Variants in SLC9A9 observed in about 807,000 individuals in gnomAD.
SLC9A9 encodes sodium/hydrogen exchanger 9.
In SLC9A9, 62 loss-of-function variants were observed where a neutral mutation model predicts 77.8. That is an observed-to-expected ratio of 0.80 (90% CI 0.65 to 0.98). The LOEUF (loss-of-function observed/expected upper bound fraction) is 0.98. Among genes scored for constraint, SLC9A9 ranks in the 50% least tolerant of loss-of-function variants. SLC9A9 has a pLI of 0.00. For synonymous variants in SLC9A9, 320 were observed against 283.5 expected, an observed-to-expected ratio of 1.13 and a Z score of -1.29; for missense variants, 775 against 774.9, an observed-to-expected ratio of 1.00 and a Z score of 0.00.
intron 4 of SLC9A9, among the ~76,000 whole-genome samples, chr3:143,713,973 A>AT (rs1310057736): frequency 2.6e-5 from 4 of 152,232 alleles, no homozygotes; most frequent in African/African-American, 9.6e-5. Context: ...CTGGATACTG[A>AT]TTTTGTTAAC....
intron 13 of SLC9A9, among the ~76,000 whole-genome samples, chr3:143,373,483 A>G (rs2033102545): frequency 6.6e-6 from 1 of 152,134 alleles, no homozygotes; most frequent in Admixed American, 6.5e-5. Flanking sequence ...GGATTAAAAA[A>G]TTACACATTG....
chr3:143,579,878 C>T (rs1481605099), intron 6 of SLC9A9, among the ~76,000 whole-genome samples: 1 of 152,186 alleles, frequency 6.6e-6, no homozygotes, highest in Non-Finnish European at 1.5e-5. Flanking sequence ...AACTCCAATG[C>T]TTCTACAGGA....
At chr3:143,757,606 T>A (rs2006968238) in intron 4 of SLC9A9, among the ~76,000 whole-genome samples, 1 of 152,136 alleles carries the variant, frequency 6.6e-6, no homozygotes, top group Non-Finnish European at 1.5e-5. Context: ...AAAACTATAA[T>A]ATGCTTCAGA....
Position 143,495,218 on chromosome 3 carries a change from T to G in SLC9A9, c.1203+117A>C. 4 of 839,552 alleles carry G rather than the reference T, an allele frequency of 4.8e-6. No individual in the cohort carries two copies. In the South Asian group the frequency reaches 5.8e-5, roughly 12 times the overall value. 52.0% of individuals were successfully genotyped at this position (839,552 alleles called of 1,614,324 possible). ...CTAGAAATCACGTATCTGCCTTGTGTCTGAGCCTTGCAGTGGACTTTAGGA... is the reference window on the plus strand; with the variant it reads ...CTAGAAATCACGTATCTGCCTTGTGGCTGAGCCTTGCAGTGGACTTTAGGA... On this transcript the variant is annotated intron_variant, in intron 10 of 15. Transcript: ENST00000316549.
At chr3:143,842,552 G>A (rs1369704745) in intron 1 of SLC9A9, among the ~76,000 whole-genome samples, 1 of 152,300 alleles carries the variant, frequency 6.6e-6, no homozygotes, top group East Asian at 1.9e-4. Context: ...TACACCAAAA[G>A]GGAGAAGAAG....
At chr3:143,313,374 C>A (rs1162917155) in intron 14 of SLC9A9, 2 of 152,154 alleles carry the variant, frequency 1.3e-5, no homozygotes, top group Admixed American at 1.3e-4. Context: ...TCTTCTATAG[C>A]CATAGGAACA....
chr3:143,613,133 T>A (rs2038048260), intron 6 of SLC9A9, among the ~76,000 whole-genome samples: 1 of 152,234 alleles, frequency 6.6e-6, no homozygotes, highest in Non-Finnish European at 1.5e-5. Context: ...TTTAATATGA[T>A]CAATTACCTT....
At chr3:143,306,458 T>C (rs2108433102) in intron 14 of SLC9A9, among the ~76,000 whole-genome samples, 1 of 152,316 alleles carries the variant, frequency 6.6e-6, no homozygotes, top group Admixed American at 6.5e-5. Context: ...GCATGCAAAG[T>C]GTTAAGTACT....
chr3:143,715,480 C>T (rs968135661), intron 4 of SLC9A9, among the ~76,000 whole-genome samples: 1 of 152,314 alleles, frequency 6.6e-6, no homozygotes, highest in Non-Finnish European at 1.5e-5. Context: ...AATACGATCT[C>T]CTTATTAAAA....
chr3:143,422,702 G>T (rs2034321697), intron 12 of SLC9A9, among the ~76,000 whole-genome samples: 1 of 152,118 alleles, frequency 6.6e-6, no homozygotes, highest in African/African-American at 2.4e-5. Flanking sequence ...CTATACTCAT[G>T]TAACAGACCT....
intron 12 of SLC9A9, among the ~76,000 whole-genome samples, chr3:143,431,222 C>T (rs142755001): frequency 1.2e-3 from 190 of 152,300 alleles, no homozygotes; most frequent in African/African-American, 4.5e-3. Flanking sequence ...TCACAAGTCA[C>T]AGCCCTGGGA....
At chr3:143,793,936 C>T (rs1161483842) in intron 4 of SLC9A9, among the ~76,000 whole-genome samples, 1 of 152,202 alleles carries the variant, frequency 6.6e-6, no homozygotes, top group Admixed American at 6.5e-5. Context: ...CTTAATGGGG[C>T]TCCCTAATCT....
At chr3:143,696,323 C>T (rs1046753307) in intron 4 of SLC9A9, among the ~76,000 whole-genome samples, 15 of 152,070 alleles carry the variant, frequency 9.9e-5, no homozygotes, top group Non-Finnish European at 1.9e-4. Context: ...AACTTTTGTA[C>T]AAGGTGCTTC....
intron 14 of SLC9A9, among the ~76,000 whole-genome samples, chr3:143,320,927 A>G (rs1221145337): frequency 6.6e-6 from 1 of 152,150 alleles, no homozygotes; most frequent in Non-Finnish European, 1.5e-5. Context: ...ACACAGACAC[A>G]TGGAGGAGAA....
At chr3:143,308,644 G>A (rs1270130494) in intron 14 of SLC9A9, among the ~76,000 whole-genome samples, 1 of 152,076 alleles carries the variant, frequency 6.6e-6, no homozygotes, top group Non-Finnish European at 1.5e-5. Context: ...GGGCCCTTCT[G>A]AATGGGGGTC....
intron 4 of SLC9A9, among the ~76,000 whole-genome samples, chr3:143,781,420 A>G (rs1007354148): frequency 6.6e-6 from 1 of 152,204 alleles, no homozygotes; most frequent in Non-Finnish European, 1.5e-5. Context: ...AGTGGCTGGC[A>G]CAAAGTAAAG....
chr3:143,427,570 A>G (rs1033304028), intron 12 of SLC9A9, among the ~76,000 whole-genome samples: 2 of 152,214 alleles, frequency 1.3e-5, no homozygotes, highest in East Asian at 3.8e-4. Context: ...GCAATTTTTA[A>G]AAAAATCATG....
chr3:143,578,287 G>A (rs180810947), intron 7 of SLC9A9, among the ~76,000 whole-genome samples: 4 of 152,084 alleles, frequency 2.6e-5, no homozygotes, highest in African/African-American at 4.8e-5. Flanking sequence ...GATGGTTCCC[G>A]TTCACTAGTT....
intron 8 of SLC9A9, among the ~76,000 whole-genome samples, chr3:143,556,318 G>T (rs1007488305): frequency 6.6e-6 from 1 of 152,204 alleles, no homozygotes; most frequent in African/African-American, 2.4e-5. Context: ...CAGTGTCTCA[G>T]CTCCAAACCC....
Sources: gnomAD v4.1 joint callset for allele counts (sites outside exome capture counted in the v4.1 genomes callset) on GRCh38, gnomAD v4.1.1 for gene constraint, MANE v1.5 for transcripts, NCBI Gene and HGNC (gene_info 2026-07-23, HGNC 2026-07-21) for gene names.